Variants in APLF observed in about 807,000 individuals in gnomAD.
APLF encodes the protein aprataxin and PNKP like factor.
APLF carries 61 observed loss-of-function variants against 55.6 expected under a neutral mutation model. That is an observed-to-expected ratio of 1.10 (90% confidence interval 0.89 to 1.36). The LOEUF (loss-of-function observed/expected upper bound fraction) is 1.36. Ranked by LOEUF, APLF falls within the 40% of genes most tolerant of loss-of-function variation. The pLI is 0.00. For synonymous variants in APLF, 207 were observed against 214.8 expected (o/e 0.96, Z 0.32); for missense variants, 611 against 602.5 (o/e 1.01, Z -0.15).
In APLF at chr2:68,578,612, G is replaced by A. The variant is rs112563725; in HGVS notation, c.*590G>A. The A allele has an allele frequency of 7.5e-5, 74 of 985,324 alleles. 1 individual carries two copies. In the African/African-American group the frequency reaches 8.5e-4, roughly 11 times the overall value. The allele number at this position is 985,324 out of a possible 1,614,324, so 61.0% of individuals were successfully genotyped here. A position where few individuals can be genotyped will look rare whatever the true frequency, so the allele number is the denominator to read the frequency against. ...AAATAGATTCAACTAGGCTGTAGAA[G>A]AGAAATGTTCACCATGTAGGGAATG... On this transcript the variant is annotated 3_prime_UTR_variant, in exon 10 of 10. Transcript: ENST00000303795.
rs186418003 is a variant in APLF at position 68,490,174 on chromosome 2, T to C, written c.97-16T>C. On this transcript the variant is annotated splice_polypyrimidine_tract_variant and intron_variant, in intron 1 of 9. Transcript: ENST00000303795. ...GAGGTGGCTATTCTTAATCTTTTAA[T>C]TTTTTTACTGTATAGATAACAGACA... 4 of 1,563,220 alleles carry C rather than the reference T, an allele frequency of 2.6e-6. No homozygotes were observed. The Admixed American group carries it at 6.3e-5, about 24-fold the overall frequency.
At chr2:68,533,874 G>T (rs1268210783) in intron 6 of APLF, among the ~76,000 whole-genome samples, 1 of 152,218 alleles carries the variant, frequency 6.6e-6, no homozygotes, top group Non-Finnish European at 1.5e-5. Context: ...AGACAGCAGT[G>T]TGACCAGTTC....
intron 9 of APLF, among the ~76,000 whole-genome samples, chr2:68,569,295 G>T (rs1671389467): frequency 1.3e-5 from 2 of 152,224 alleles, no homozygotes; most frequent in African/African-American, 2.4e-5. Context: ...AGTACTTTCT[G>T]CTGGGGATTA....
chr2:68,488,511 T>G (rs1012502730), intron 1 of APLF, among the ~76,000 whole-genome samples: 4 of 151,806 alleles, frequency 2.6e-5, no homozygotes, highest in Admixed American at 1.3e-4. Context: ...AATTTTTTAC[T>G]TTATGTAGAG....
At chr2:68,501,520 A>C (rs1336468735) in intron 2 of APLF, among the ~76,000 whole-genome samples, 1 of 152,176 alleles carries the variant, frequency 6.6e-6, no homozygotes, top group Admixed American at 6.6e-5. Context: ...ATTATGACAA[A>C]ATGCCTATTT....
intron 7 of APLF, among the ~76,000 whole-genome samples, chr2:68,543,170 C>T (rs902091170): frequency 2.6e-5 from 4 of 151,912 alleles, no homozygotes; most frequent in Non-Finnish European, 4.4e-5. Flanking sequence ...TGGTGGATTC[C>T]GGGGAGGACA....
intron 7 of APLF, 138 bp from the exon 8 acceptor site, chr2:68,545,049 C>T (rs189133567): frequency 2.1e-4 from 201 of 977,142 alleles, no homozygotes; most frequent in Admixed American, 4.0e-4. Flanking sequence ...ATGTAATCTG[C>T]GCTTATGTCA....
chr2:68,547,321 A>G (rs2104021621), intron 8 of APLF, among the ~76,000 whole-genome samples: 1 of 151,930 alleles, frequency 6.6e-6, no homozygotes, highest in African/African-American at 2.4e-5. Flanking sequence ...CCTCAAATGG[A>G]TTTGTATACA....
chr2:68,561,814 G>A (rs60290643), intron 8 of APLF, among the ~76,000 whole-genome samples: 126 of 152,126 alleles, frequency 8.3e-4, no homozygotes, highest in African/African-American at 3.0e-3. Context: ...TCAAAGGGTA[G>A]ATTTCTGAAA....
chr2:68,506,472 T>G (rs1676875502), intron 3 of APLF, among the ~76,000 whole-genome samples: 1 of 151,976 alleles, frequency 6.6e-6, no homozygotes, highest in African/African-American at 2.4e-5. Flanking sequence ...GAACTAGCTC[T>G]GTTTTGCAGG....
At chr2:68,572,324 T>A (rs895739263) in intron 9 of APLF, among the ~76,000 whole-genome samples, 3 of 152,120 alleles carry the variant, frequency 2.0e-5, no homozygotes, top group African/African-American at 7.2e-5. Flanking sequence ...AATGAAGCGT[T>A]ATTAAAAATG....
intron 7 of APLF, among the ~76,000 whole-genome samples, chr2:68,542,872 A>G (rs1219821734): frequency 6.6e-6 from 1 of 152,214 alleles, no homozygotes; most frequent in African/African-American, 2.4e-5. Flanking sequence ...TATTCACAAT[A>G]CCCAGGAGGT....
intron 1 of APLF, among the ~76,000 whole-genome samples, chr2:68,486,425 A>G (rs1041863394): frequency 6.6e-6 from 1 of 152,010 alleles, no homozygotes; most frequent in African/African-American, 2.4e-5. Context: ...GGCCTCTGCA[A>G]TGTTGGATCT....
chr2:68,506,022 G>T (rs1278838094), intron 3 of APLF, among the ~76,000 whole-genome samples: 3 of 151,830 alleles, frequency 2.0e-5, no homozygotes, highest in Non-Finnish European at 4.4e-5. Context: ...GGTTGAAAGG[G>T]GTATATTGTG....
intron 8 of APLF, among the ~76,000 whole-genome samples, chr2:68,566,755 G>A (rs536332119): frequency 6.6e-6 from 1 of 152,098 alleles, no homozygotes; most frequent in Non-Finnish European, 1.5e-5. Flanking sequence ...GGGATCATAA[G>A]TACGTATAAT....
intron 2 of APLF, among the ~76,000 whole-genome samples, chr2:68,499,111 TAACTC>T: frequency 6.6e-6 from 1 of 152,326 alleles, no homozygotes; most frequent in South Asian, 2.1e-4. Flanking sequence ...TATTTAATGA[TAACTC>T]TAAGAGAAAG....
chr2:68,513,765 A>G (rs1017412279), intron 5 of APLF, 85 bp downstream of exon 5: 3 of 1,452,974 alleles, frequency 2.1e-6, no homozygotes, highest in Non-Finnish European at 2.8e-6. Context: ...ACTATAAACT[A>G]GTTCTATAGA....
intron 5 of APLF, among the ~76,000 whole-genome samples, chr2:68,525,268 C>T (rs1381758713): frequency 6.6e-6 from 1 of 151,570 alleles, no homozygotes; most frequent in Non-Finnish European, 1.5e-5. Context: ...TGCACTCCAG[C>T]CTGGGTGACA....
chr2:68,537,948 A>G lies in APLF; in HGVS notation c.881A>G (p.Asn294Ser), dbSNP rs1670441870. 2 of 1,613,940 alleles carry G rather than the reference A, an allele frequency of 1.2e-6. No homozygotes were observed. Among genetic ancestry groups the G allele is most frequent in the South Asian group, 1.1e-5 (1 of 91,060 alleles). ...AATATTAAGACTAATGCACAGAGAA[A>G]CAAACTTCCAATAGAGGAACTTGGT... ...MNNIKTNAQR[N>S]KLPIEELGKV... Residue 294 changes from asparagine (N) to serine (S), a missense_variant, in exon 7 of 10, where the codon AAC (asparagine) becomes AGC (serine). Physicochemically the swap from Asn to Ser is conservative, Grantham distance 46. Transcript: ENST00000303795.
Sources: allele counts gnomAD v4.1 joint callset (sites outside exome capture counted in the v4.1 genomes callset), GRCh38; gene constraint gnomAD v4.1.1; transcripts MANE v1.5; gene names NCBI Gene and HGNC (gene_info 2026-07-23, HGNC 2026-07-21).